The following ZNF695 variants were observed in gnomAD, a reference collection of about 807,000 sequenced individuals.
ZNF695 encodes the protein zinc finger protein 695.
ZNF695 carries 11 observed loss-of-function variants against 11.2 expected under a neutral mutation model. The observed-to-expected ratio is 0.98, with a 90% CI of 0.62 to 1.62. The LOEUF is 1.62. Ranked by LOEUF, ZNF695 falls within the 40% of genes most tolerant of loss-of-function variation. The pLI is 0.00. For missense variants in ZNF695, 559 were observed against 590.5 expected (o/e 0.95, Z 0.55); for synonymous variants, 190 against 201.4 (o/e 0.94, Z 0.48).
intron 3 of ZNF695, 21 bp downstream of exon 3, chr1:246,999,327 G>T (rs759237828): frequency 6.3e-7 from 1 of 1,586,532 alleles, no homozygotes; most frequent in Non-Finnish European, 8.7e-7. Context: ...ACCTGTGTTC[G>T]CTTCATTCAC....
chr1:246,991,445 C>T (rs61550625), intron 3 of ZNF695, among the ~76,000 whole-genome samples: 38,251 of 151,968 alleles, frequency 0.25, 5,752 homozygotes, highest in African/African-American at 0.42. Flanking sequence ...TCTAATAATC[C>T]GAGCCAGAAA....
rs777552473 is a variant in ZNF695, at chr1:246,986,415, TCTCCTA to T, written c.*546_*551del. On this transcript the variant is annotated 3_prime_UTR_variant, in exon 4 of 4. Coordinates refer to ENST00000339986, the MANE Select transcript of ZNF695 (RefSeq NM_020394.5). Reference sequence around the variant, plus strand: ...AATTATAACTTCCCCAAAAGGTGAATCTCCTACTTACTTTAACTTAACTTTGAATTA... The same window carrying T: ...AATTATAACTTCCCCAAAAGGTGAATCTTACTTTAACTTAACTTTGAATTA... 79 of 985,416 alleles carry T rather than the reference TCTCCTA, an allele frequency of 8.0e-5. No individual in the cohort carries two copies. The highest frequency in any genetic ancestry group is 9.4e-5 in the Non-Finnish European group (78 of 830,036). 61.0% of individuals were successfully genotyped at this position (985,416 alleles called of 1,614,324 possible).
Position 246,986,891 on chromosome 1 carries a change from G to A in ZNF695, c.*76C>T. The A allele has an allele frequency of 6.7e-7, 1 of 1,499,452 alleles. No individual in the cohort carries two copies. The highest frequency in any genetic ancestry group is 8.9e-7 in the Non-Finnish European group (1 of 1,127,344). The allele number at this position is 1,499,452 out of a possible 1,614,324, so 92.9% of individuals were successfully genotyped here. On this transcript the variant is annotated 3_prime_UTR_variant, in exon 4 of 4. Transcript: ENST00000339986. ...ATTACATTTGTAACACTCTTATTCAGTAAAAATATTCTGCTGTGAAGTTGT... is the reference window on the plus strand; with the variant it reads ...ATTACATTTGTAACACTCTTATTCAATAAAAATATTCTGCTGTGAAGTTGT...
intron 4 of ZNF695, among the ~76,000 whole-genome samples, chr1:246,973,309 A>G (rs1221969531): frequency 6.6e-6 from 1 of 152,084 alleles, no homozygotes; most frequent in East Asian, 1.9e-4. Flanking sequence ...TCAACCTCCC[A>G]AAGTGTTGGG....
chr1:246,990,016 AGAAAGGG>A (rs141933985), intron 3 of ZNF695, among the ~76,000 whole-genome samples: 117,045 of 146,036 alleles, frequency 0.8, 46,022 homozygotes, highest in Admixed American at 0.89. Flanking sequence ...GGAGAAAGGG[AGAAAGGG>A]GAAAGGGAAA....
Position 246,969,066 on chromosome 1 carries a change from G to C in ZNF695, c.391-1274C>G, listed in dbSNP as rs565752555. On this transcript the variant is annotated intron_variant, in intron 4 of 5. Coordinates refer to the ZNF695 transcript ENST00000487338. The stretch of plus-strand genomic sequence containing the variant: ...TTACTTACACAAATTTTTGCAGCTA[G>C]GTTGAATTCCTCCCCAGAAAATGGT... The C allele has an allele frequency of 3.3e-5, 5 of 152,326 alleles. No homozygotes were observed. In the East Asian group the frequency reaches 9.6e-4, roughly 29 times the overall value. 9.4% of individuals were successfully genotyped at this position (152,326 alleles called of 1,614,324 possible). A position where few individuals can be genotyped will look rare whatever the true frequency, so the allele number is the denominator to read the frequency against.
chr1:246,960,712 G>A (rs757674157), intron 5 of ZNF695, among the ~76,000 whole-genome samples: 2 of 152,138 alleles, frequency 1.3e-5, no homozygotes, highest in Non-Finnish European at 2.9e-5. Context: ...GGCTGAGGCC[G>A]GTGGATCCCT....
chr1:246,986,937 G>A lies in ZNF695; in HGVS notation c.*30C>T. The A allele has an allele frequency of 6.5e-7, 1 of 1,536,450 alleles. No individual in the cohort carries two copies. Among genetic ancestry groups the A allele is most frequent in the Non-Finnish European group, 8.7e-7 (1 of 1,147,596 alleles). On this transcript the variant is annotated 3_prime_UTR_variant, in exon 4 of 4. Coordinates refer to ENST00000339986, the MANE Select transcript of ZNF695 (RefSeq NM_020394.5). ...GTTGTGAATAGGTATTAAAGACTAT[G>A]CCATATTGTTTAGAATTGTAGGGTT... is the stretch of plus-strand genomic sequence containing the variant.
At chr1:246,989,034 T>C (rs1429483001) in intron 3 of ZNF695, among the ~76,000 whole-genome samples, 2 of 149,854 alleles carry the variant, frequency 1.3e-5, no homozygotes, top group Non-Finnish European at 2.9e-5. Context: ...GCGGAGCTTG[T>C]AGTGAGCCAA....
At chr1:246,953,569 C>A (rs182736244) in intron 5 of ZNF695, among the ~76,000 whole-genome samples, 3 of 151,572 alleles carry the variant, frequency 2.0e-5, no homozygotes, top group Non-Finnish European at 2.9e-5. Flanking sequence ...CAAGATCGCA[C>A]CACTGCACTC....
intron 4 of ZNF695, among the ~76,000 whole-genome samples, chr1:246,978,223 T>C (rs569869287): frequency 6.6e-5 from 10 of 152,318 alleles, no homozygotes; most frequent in African/African-American, 2.4e-4. Context: ...AACCCTCAAA[T>C]TCAGAATACA....
At chr1:246,995,292 T>C (rs1220170219) in intron 3 of ZNF695, among the ~76,000 whole-genome samples, 3 of 152,172 alleles carry the variant, frequency 2.0e-5, no homozygotes, top group Non-Finnish European at 2.9e-5. Context: ...TTCACAAATA[T>C]ACGGAAGTTC....
chr1:246,983,482 T>A (rs1668765839), downstream of ZNF695, among the ~76,000 whole-genome samples: 1 of 151,994 alleles, frequency 6.6e-6, no homozygotes, highest in Admixed American at 6.6e-5. Context: ...GATCACAATG[T>A]CAGTTTTGTA....
At chr1:246,966,466 G>A (rs888552687) in intron 5 of ZNF695, among the ~76,000 whole-genome samples, 2 of 151,836 alleles carry the variant, frequency 1.3e-5, no homozygotes, top group African/African-American at 4.8e-5. Flanking sequence ...GGGCGACAGA[G>A]CAAGACTCCA....
Position 246,954,868 on chromosome 1 carries a change from G to C in ZNF695, c.489-9041C>G, listed in dbSNP as rs955098033. Among the ~76,000 whole-genome samples the C allele has an allele frequency of 2.6e-5, 4 of 152,112 alleles. No homozygotes were observed. The South Asian group carries it at 8.3e-4, about 32-fold the overall frequency. On this transcript the variant is annotated intron_variant, in intron 5 of 5. Transcript: ENST00000487338. ...CAGGATACATTCTGAGAAAATCATT[G>C]AGTGTACTTACACAAATCTATATAG...
chr1:247,002,551 T>C (rs902010964), intron 1 of ZNF695, among the ~76,000 whole-genome samples: 26 of 152,174 alleles, frequency 1.7e-4, no homozygotes, highest in African/African-American at 6.0e-4. Flanking sequence ...TTTGGGAGGC[T>C]GATACAGGCA....
At chr1:246,976,590 C>T (rs10754534) in intron 4 of ZNF695, among the ~76,000 whole-genome samples, 62 of 151,136 alleles carry the variant, frequency 4.1e-4, no homozygotes, top group East Asian at 1.6e-3. Context: ...GTGAGGAGAT[C>T]GAGACCATCC....
intron 4 of ZNF695, among the ~76,000 whole-genome samples, chr1:246,971,422 C>T (rs1323405889): frequency 2.0e-5 from 3 of 152,144 alleles, no homozygotes; most frequent in Non-Finnish European, 4.4e-5. Flanking sequence ...TGATGTCAGG[C>T]CTTCCACAAG....
rs1241409633 is a variant in ZNF695, at chr1:246,965,432, G to A, written c.488+2263C>T. ...GCCCATTTGCCATGTGATTTCCTGC[G>A]CTGCTCAAGATTCTGCAGAGTTGGC... On this transcript the variant is annotated intron_variant, in intron 5 of 5. Transcript: ENST00000487338. 3.3e-5 allele frequency among the ~76,000 whole-genome samples: 5 copies of A among 151,436 alleles called. No individual in the cohort carries two copies. The East Asian group carries it at 5.8e-4, about 18-fold the overall frequency.
Sources: allele counts gnomAD v4.1 joint callset (sites outside exome capture counted in the v4.1 genomes callset), GRCh38; gene constraint gnomAD v4.1.1; transcripts MANE v1.5; gene names NCBI Gene and HGNC (gene_info 2026-07-23, HGNC 2026-07-21).